The following STOX2 variants were observed in gnomAD, a reference collection of about 807,000 sequenced individuals.
STOX2 encodes the protein storkhead-box protein 2.
A neutral mutation model predicts 60.9 loss-of-function variants in STOX2; 28 were observed. The observed-to-expected ratio is 0.46, with a 90% CI of 0.34 to 0.63. STOX2 has a LOEUF of 0.63. STOX2 is among the 30% of genes least tolerant of loss of function. The pLI is 0.01. For synonymous variants in STOX2, 472 were observed against 463.9 expected, an observed-to-expected ratio of 1.02 and a Z score of -0.22; for missense variants, 1,024 against 1,187.7, an observed-to-expected ratio of 0.86 and a Z score of 2.03.
rs189225580 is a variant in STOX2, at chr4:183,841,906, A to G, written c.364+43851A>G. Among the ~76,000 whole-genome samples the G allele has an allele frequency of 5.5e-3, 841 of 152,300 alleles. 2 individuals carry two copies. The highest frequency in any genetic ancestry group is 9.5e-3 in the Non-Finnish European group (643 of 68,030). ...CATACAATTTGAAAGAGTCATTTAT[A>G]TGGGAAAAAAAAACTTGACTGTGGA... On this transcript the variant is annotated intron_variant, in intron 1 of 2. Transcript: ENST00000513034.
chr4:183,841,573 G>A (rs1034478002), intron 1 of STOX2, among the ~76,000 whole-genome samples: 7 of 152,062 alleles, frequency 4.6e-5, no homozygotes, highest in African/African-American at 1.2e-4. Context: ...CATCTCTTGT[G>A]CTCAGCCTGC....
At chr4:183,903,097 AG>A (rs1452939222), upstream of STOX2, among the ~76,000 whole-genome samples, 1 of 152,244 alleles carries the variant, frequency 6.6e-6, no homozygotes, top group Non-Finnish European at 1.5e-5. Flanking sequence ...TCTTCTGTAA[AG>A]AAATTCTAAA....
At chr4:183,801,931 T>A (rs1167378871) in intron 1 of STOX2, among the ~76,000 whole-genome samples, 1 of 152,186 alleles carries the variant, frequency 6.6e-6, no homozygotes, top group Non-Finnish European at 1.5e-5. Flanking sequence ...CTAGGCCTAT[T>A]GAAACAGAGG....
rs1740540181 is a variant in STOX2 at position 183,865,370 on chromosome 4, G to T, written c.364+67315G>T. On this transcript the variant is annotated intron_variant, in intron 1 of 2. Transcript: ENST00000513034. This position sits in a 1 kb window ranked among gnomAD's most constrained non-coding sequence, Gnocchi z 4.1. Reference sequence around the variant, plus strand: ...ACCTGTCTTTTGGTTCATGAGTTAGGCAGAGACTATAGAAAAGGCATGAAC... The same window carrying T: ...ACCTGTCTTTTGGTTCATGAGTTAGTCAGAGACTATAGAAAAGGCATGAAC... Among the ~76,000 whole-genome samples the T allele has an allele frequency of 1.3e-5, 2 of 152,128 alleles. No homozygotes were observed. The highest frequency in any genetic ancestry group is 4.8e-5 in the African/African-American group (2 of 41,422).
intron 1 of STOX2, among the ~76,000 whole-genome samples, chr4:183,863,594 A>T (rs1380124555): frequency 6.6e-6 from 1 of 152,140 alleles, no homozygotes; most frequent in Non-Finnish European, 1.5e-5. Context: ...TAGTGTTTCC[A>T]TTAGTATTGC....
At chr4:183,828,979 A>G (rs1284527483) in intron 1 of STOX2, among the ~76,000 whole-genome samples, 1 of 152,218 alleles carries the variant, frequency 6.6e-6, no homozygotes, top group African/African-American at 2.4e-5. Context: ...TAACAGGCAG[A>G]AGAAGGAAAG....
chr4:183,906,656 G>A lies in STOX2; in HGVS notation c.-135G>A. ...GGCCGGACCCGCCGCTGGCGGTGTAGACGCCGACGAGGAGGGGCTGGGAAA... is the reference window on the plus strand; with the variant it reads ...GGCCGGACCCGCCGCTGGCGGTGTAAACGCCGACGAGGAGGGGCTGGGAAA... On this transcript the variant is annotated 5_prime_UTR_variant, in exon 1 of 4. An upstream open reading frame in the 5' UTR loses its in-frame stop. Coordinates refer to ENST00000308497, the MANE Select transcript of STOX2 (RefSeq NM_020225.3). The A allele has an allele frequency of 9.9e-7, 1 of 1,010,392 alleles. No individual in the cohort carries two copies. Among genetic ancestry groups the A allele is most frequent in the Non-Finnish European group, 1.4e-6 (1 of 718,468 alleles). The allele number at this position is 1,010,392 out of a possible 1,614,324, so 62.6% of individuals were successfully genotyped here. A position where few individuals can be genotyped will look rare whatever the true frequency, so the allele number is the denominator to read the frequency against.
intron 2 of STOX2, among the ~76,000 whole-genome samples, chr4:184,004,401 C>T (rs1001325577): frequency 6.6e-6 from 1 of 152,016 alleles, no homozygotes; most frequent in African/African-American, 2.4e-5. Flanking sequence ...AGATCGAGAC[C>T]ATCCTGGTTA....
At chr4:183,807,721 G>A (rs1738938671) in intron 1 of STOX2, among the ~76,000 whole-genome samples, 1 of 152,200 alleles carries the variant, frequency 6.6e-6, no homozygotes, top group African/African-American at 2.4e-5. Context: ...GGGGTAGGCA[G>A]GTGAGGGCCC....
At chr4:183,938,923 T>C (rs2111126214) in intron 1 of STOX2, among the ~76,000 whole-genome samples, 1 of 152,212 alleles carries the variant, frequency 6.6e-6, no homozygotes, top group South Asian at 2.1e-4. Flanking sequence ...CTAATGAAAA[T>C]AAAAAATTTG....
chr4:183,950,873 C>A (rs1015738690), intron 1 of STOX2, among the ~76,000 whole-genome samples: 11 of 152,124 alleles, frequency 7.2e-5, no homozygotes, highest in African/African-American at 2.7e-4. Context: ...GGGGTCAGAG[C>A]AGAAAGCCCC....
chr4:183,808,062 T>G (rs1738949022), intron 1 of STOX2, among the ~76,000 whole-genome samples: 1 of 152,218 alleles, frequency 6.6e-6, no homozygotes, highest in Non-Finnish European at 1.5e-5. Flanking sequence ...TGAAAAGAAC[T>G]GTCCAGTCTG....
chr4:183,887,299 T>C (rs1741106832), intron 1 of STOX2, among the ~76,000 whole-genome samples: 1 of 152,132 alleles, frequency 6.6e-6, no homozygotes. Flanking sequence ...TTCTTCCCTG[T>C]ACAGGGACGT....
At chr4:183,941,523 G>A (rs185461473) in intron 1 of STOX2, among the ~76,000 whole-genome samples, 12 of 152,258 alleles carry the variant, frequency 7.9e-5, no homozygotes, top group East Asian at 5.8e-4. Context: ...AGCTGAGATC[G>A]CACCACTGCA....
intron 1 of STOX2, among the ~76,000 whole-genome samples, chr4:183,828,350 G>A (rs1014230313): frequency 6.6e-6 from 1 of 152,200 alleles, no homozygotes; most frequent in Admixed American, 6.5e-5. Flanking sequence ...GTGGGAGGAA[G>A]AAACAGCCCC....
intron 1 of STOX2, among the ~76,000 whole-genome samples, chr4:183,820,172 G>T (rs773449442): frequency 1.3e-5 from 2 of 152,022 alleles, no homozygotes; most frequent in East Asian, 1.9e-4. Flanking sequence ...TGATCCTCCC[G>T]CCTCGGCCTC....
chr4:183,931,439 C>CA (rs1182409962), intron 1 of STOX2, among the ~76,000 whole-genome samples: 1 of 151,854 alleles, frequency 6.6e-6, no homozygotes, highest in Admixed American at 6.6e-5. Flanking sequence ...CTCCCCCCAC[C>CA]AAAAAAACTG....
chr4:183,966,779 T>G (rs1053054580), intron 1 of STOX2, among the ~76,000 whole-genome samples: 3 of 152,360 alleles, frequency 2.0e-5, no homozygotes, highest in South Asian at 4.1e-4. Context: ...TAAGTATTTT[T>G]GGGAGCTATT....
chr4:183,978,257 T>A (rs1430854627), intron 1 of STOX2, among the ~76,000 whole-genome samples: 1 of 152,186 alleles, frequency 6.6e-6, no homozygotes, highest in African/African-American at 2.4e-5. Context: ...CTTTAATCCA[T>A]CTTGATTTAA....
Sources: allele counts gnomAD v4.1 joint callset (sites outside exome capture counted in the v4.1 genomes callset), GRCh38; gene constraint gnomAD v4.1.1; non-coding constraint Gnocchi (gnomAD v3.1); transcripts MANE v1.5; gene names NCBI Gene and HGNC (gene_info 2026-07-23, HGNC 2026-07-21).